ADAM7: variants seen among roughly 807,000 people sequenced by gnomAD.
The protein encoded by ADAM7 is ADAM metallopeptidase domain 7.
In ADAM7, 97 loss-of-function variants were observed where a neutral mutation model predicts 102.9. That is an observed-to-expected ratio of 0.94 (90% confidence interval 0.80 to 1.12). ADAM7 has a LOEUF of 1.12. Ranked by LOEUF, ADAM7 falls within the 50% of genes most tolerant of loss-of-function variation. ADAM7 has a pLI of 0.00. For missense variants in ADAM7, 991 were observed against 908.7 expected (o/e 1.09, Z -1.16); for synonymous variants, 334 against 304.4 (o/e 1.10, Z -1.01).
intron 6 of ADAM7, among the ~76,000 whole-genome samples, chr8:24,468,450 A>C (rs751826385): frequency 2.0e-5 from 3 of 152,134 alleles, no homozygotes; most frequent in Non-Finnish European, 4.4e-5. Flanking sequence ...ACCGTGGCAC[A>C]TGCTCACCCA....
intron 2 of ADAM7, among the ~76,000 whole-genome samples, chr8:24,444,707 A>G (rs965188049): frequency 3.6e-4 from 55 of 152,056 alleles, no homozygotes; most frequent in African/African-American, 1.3e-3. Flanking sequence ...AAAAAACGAA[A>G]AAACCTGAGA....
At chr8:24,484,802 C>CTTTTTT (rs544478529) in intron 9 of ADAM7, among the ~76,000 whole-genome samples, 38 of 91,950 alleles carry the variant, frequency 4.1e-4, no homozygotes, top group East Asian at 6.3e-4. Context: ...ATTGCACTGG[C>CTTTTTT]TTTTTTTTTT....
At chr8:24,475,510 AATTAAGAGAATATTTGTGGGTT>A (rs567001179) in intron 7 of ADAM7, among the ~76,000 whole-genome samples, 352 of 152,296 alleles carry the variant, frequency 2.3e-3, no homozygotes, top group Non-Finnish European at 3.8e-3. Context: ...TGTATTTGAT[AATTAAGAGAATATTTGTGGGTT>A]ATTAAGAATA....
At chr8:24,498,053 AAAG>A (rs1254137612) in intron 16 of ADAM7, among the ~76,000 whole-genome samples, 1 of 152,018 alleles carries the variant, frequency 6.6e-6, no homozygotes, top group Admixed American at 6.6e-5. Flanking sequence ...TATTTTTTGA[AAAG>A]AAAAATAGTC....
chr8:24,451,099 G>T (rs539848572), intron 3 of ADAM7, among the ~76,000 whole-genome samples: 3 of 152,012 alleles, frequency 2.0e-5, no homozygotes, highest in African/African-American at 7.2e-5. Context: ...AAGGATATTG[G>T]TCTAAAATTC....
At chr8:24,508,179 T>C (rs1344345395) in intron 21 of ADAM7, among the ~76,000 whole-genome samples, 2 of 152,126 alleles carry the variant, frequency 1.3e-5, no homozygotes, top group South Asian at 4.1e-4. Context: ...AGCGTTCTTA[T>C]GAGGTGTAAT....
chr8:24,500,870 T>G lies in ADAM7; in HGVS notation c.2083T>G (p.Cys695Gly). 2 of 1,613,034 alleles carry G rather than the reference T, an allele frequency of 1.2e-6. No individual in the cohort carries two copies. The highest frequency in any genetic ancestry group is 1.7e-6 in the Non-Finnish European group (2 of 1,179,280). Residue 695 changes from cysteine to glycine, a missense_variant, in exon 19 of 22, where the codon TGT (cysteine) becomes GGT (glycine). Transcript: ENST00000175238. ...VLILLVRYRK[C>G]IKLKQVQSPP... ...TATACTATTAGTTCGTTACCGAAAA[T>G]GTATCAAGTTGAAGCAAGTTCAGAG... is the stretch of plus-strand genomic sequence containing the variant.
At chr8:24,451,874 A>C (rs1171825967) in intron 3 of ADAM7, among the ~76,000 whole-genome samples, 5 of 150,406 alleles carry the variant, frequency 3.3e-5, no homozygotes, top group African/African-American at 1.2e-4. Flanking sequence ...GGTTTCAAAG[A>C]ACATCTTTAT....
intron 8 of ADAM7, among the ~76,000 whole-genome samples, 197 bp from the exon 9 acceptor site, chr8:24,481,945 A>T (rs1819966217): frequency 6.6e-6 from 1 of 152,154 alleles, no homozygotes; most frequent in Non-Finnish European, 1.5e-5. Context: ...ATTGCCCAGA[A>T]AATTCACCAG....
chr8:24,500,968 G>A (rs983983328), intron 19 of ADAM7, 73 bp downstream of exon 19: 26 of 1,287,588 alleles, frequency 2.0e-5, no homozygotes, highest in African/African-American at 4.5e-5. Flanking sequence ...TGGTTATAGA[G>A]GATATTCAAT....
At chr8:24,467,337 T>C (rs1233466417) in intron 6 of ADAM7, 2 of 335,792 alleles carry the variant, frequency 6.0e-6, no homozygotes, top group East Asian at 5.1e-5. Context: ...TGCAGAGTTA[T>C]TGATGACAAG....
chr8:24,496,372 T>C (rs1237479160), intron 16 of ADAM7, among the ~76,000 whole-genome samples: 1 of 151,586 alleles, frequency 6.6e-6, no homozygotes, highest in Non-Finnish European at 1.5e-5. Context: ...TAGGGTCGGA[T>C]CCCCCACACA....
intron 20 of ADAM7, among the ~76,000 whole-genome samples, chr8:24,503,822 G>A (rs531446979): frequency 7.1e-4 from 108 of 151,956 alleles, no homozygotes; most frequent in African/African-American, 2.3e-3. Context: ...TGGGAGTTGA[G>A]CAATGAGAAC....
At chr8:24,497,456 T>C (rs17052063) in intron 16 of ADAM7, among the ~76,000 whole-genome samples, 5,450 of 152,262 alleles carry the variant, frequency 0.036, 335 homozygotes, top group African/African-American at 0.12. Flanking sequence ...CTGGTTTATA[T>C]GTAATGTGGC....
At chr8:24,462,067 A>G (rs1819262800) in intron 3 of ADAM7, among the ~76,000 whole-genome samples, 1 of 152,210 alleles carries the variant, frequency 6.6e-6, no homozygotes, top group Non-Finnish European at 1.5e-5. Context: ...AACAATCTGA[A>G]TGTTGTGTGA....
At chr8:24,476,590 T>A (rs1819776534) in intron 8 of ADAM7, 86 bp downstream of exon 8, 1 of 1,020,582 alleles carries the variant, frequency 9.8e-7, no homozygotes, top group African/African-American at 1.6e-5. Flanking sequence ...ACTATTGTAG[T>A]TACCTGATAT....
chr8:24,442,536 A>G lies in ADAM7; in HGVS notation c.116A>G (p.Gln39Arg). 6.2e-7 allele frequency: 1 copy of G among 1,614,160 alleles called. No homozygotes were observed. Among genetic ancestry groups the G allele is most frequent in the East Asian group, 2.2e-5 (1 of 44,874 alleles). Residue 39 changes from glutamine to arginine, a missense_variant, in exon 2 of 22, where the codon CAG becomes CGG. Coordinates refer to ENST00000175238, the MANE Select transcript of ADAM7 (RefSeq NM_003817.4). Reference sequence around the variant, plus strand: ...CGTCCTAAAAAGCTTCCTCTGATACAGAAGCGAGATACTGGACACACCCAT... The same window carrying G: ...CGTCCTAAAAAGCTTCCTCTGATACGGAAGCGAGATACTGGACACACCCAT... ...LVRPKKLPLI[Q>R]KRDTGHTHDD...
intron 7 of ADAM7, among the ~76,000 whole-genome samples, chr8:24,471,774 T>C (rs575328473): frequency 6.6e-6 from 1 of 151,994 alleles, no homozygotes; most frequent in African/African-American, 2.4e-5. Context: ...CACAGAATAG[T>C]AAATACAAAA....
chr8:24,454,818 G>A (rs1212302922), intron 3 of ADAM7, among the ~76,000 whole-genome samples: 1 of 152,062 alleles, frequency 6.6e-6, no homozygotes, highest in Non-Finnish European at 1.5e-5. Context: ...CCTCAGCTTG[G>A]TTTTAATAAT....
Sources: gnomAD v4.1 joint callset for allele counts (sites outside exome capture counted in the v4.1 genomes callset) on GRCh38, gnomAD v4.1.1 for gene constraint, MANE v1.5 for transcripts, NCBI Gene and HGNC (gene_info 2026-07-23, HGNC 2026-07-21) for gene names.